NEGR1: variants seen among roughly 807,000 people sequenced by gnomAD.
NEGR1 encodes neuronal growth regulator 1, also known as IgLON family member 4.
A neutral mutation model predicts 40.9 loss-of-function variants in NEGR1; 10 were observed. That is an observed-to-expected ratio of 0.24 (90% CI 0.15 to 0.42). The LOEUF (loss-of-function observed/expected upper bound fraction) is 0.42, where lower values mean the gene tolerates loss of function less well. Ranked by LOEUF, NEGR1 falls within the 10% of genes least tolerant of loss-of-function variation. The pLI is 1.00. For missense variants in NEGR1, 352 were observed against 438.9 expected (o/e 0.80, Z 1.77); for synonymous variants, 185 against 166.8 (o/e 1.11, Z -0.84).
chr1:71,804,020 T>C (rs1237430068), intron 2 of NEGR1, among the ~76,000 whole-genome samples: 2 of 152,096 alleles, frequency 1.3e-5, no homozygotes, highest in Non-Finnish European at 2.9e-5. Context: ...AAATATTTAA[T>C]ACTTTCATTA....
chr1:71,845,005 T>C (rs1437960675), intron 2 of NEGR1, among the ~76,000 whole-genome samples: 1 of 152,166 alleles, frequency 6.6e-6, no homozygotes, highest in East Asian at 1.9e-4. Context: ...AATGTTTTCT[T>C]AGTATGAGTT....
At chr1:72,173,011 A>T (rs1388690547) in intron 1 of NEGR1, among the ~76,000 whole-genome samples, 1 of 151,434 alleles carries the variant, frequency 6.6e-6, no homozygotes, top group Non-Finnish European at 1.5e-5. Context: ...TATTTTATTT[A>T]TTTATTTTTT....
Position 71,530,870 on chromosome 1 carries a change from C to CTGGG in NEGR1, c.940+61943_940+61946dup, listed in dbSNP as rs1387011735. On this transcript the variant is annotated intron_variant, in intron 6 of 6. Transcript: ENST00000357731. The stretch of plus-strand genomic sequence containing the variant: ...GCACATTAGTAAACTTTTTCCATAT[C>CTGGG]TGGGTGTCATGAGGAGGTGTGTGTG... Among the ~76,000 whole-genome samples the CTGGG allele has an allele frequency of 2.9e-4, 44 of 151,174 alleles. 1 individual carries two copies. Among genetic ancestry groups the CTGGG allele is most frequent in the Non-Finnish European group, 7.4e-5 (5 of 67,478 alleles).
At chr1:72,249,411 G>A (rs7548417) in intron 1 of NEGR1, among the ~76,000 whole-genome samples, 5,488 of 152,212 alleles carry the variant, frequency 0.036, 321 homozygotes, top group African/African-American at 0.13. Flanking sequence ...ATCAGCCTCA[G>A]TAGATATGTA....
intron 1 of NEGR1, among the ~76,000 whole-genome samples, chr1:72,175,005 T>C (rs1431483890): frequency 1.3e-5 from 2 of 152,110 alleles, no homozygotes; most frequent in African/African-American, 4.8e-5. Flanking sequence ...TTAGGGTACA[T>C]GTGCACAATG....
At chr1:72,165,189 T>G (rs1251240732) in intron 1 of NEGR1, among the ~76,000 whole-genome samples, 2 of 152,052 alleles carry the variant, frequency 1.3e-5, no homozygotes. Flanking sequence ...AACAACAGCT[T>G]TCTCTGTTAC....
chr1:71,629,024 CCCA>C (rs1650883416), intron 4 of NEGR1, among the ~76,000 whole-genome samples: 1 of 152,124 alleles, frequency 6.6e-6, no homozygotes, highest in African/African-American at 2.4e-5. Context: ...AATTTACACT[CCCA>C]CCAACAGTGT....
At chr1:71,817,293 A>G (rs1557663824) in intron 2 of NEGR1, among the ~76,000 whole-genome samples, 1 of 152,094 alleles carries the variant, frequency 6.6e-6, no homozygotes, top group Non-Finnish European at 1.5e-5. Flanking sequence ...CCCACATTCA[A>G]TGGTTAAGCA....
chr1:71,972,941 C>A (rs1476957338), intron 1 of NEGR1, among the ~76,000 whole-genome samples: 2 of 152,060 alleles, frequency 1.3e-5, no homozygotes, highest in African/African-American at 4.8e-5. Context: ...CCCCCGAAGT[C>A]CCATCTTAAG....
At chr1:71,587,091 T>A (rs1490577091) in intron 6 of NEGR1, among the ~76,000 whole-genome samples, 3 of 152,100 alleles carry the variant, frequency 2.0e-5, no homozygotes. Context: ...AGAGGAGAGA[T>A]AAATTTCTAT....
rs185750961 is a variant in NEGR1, at chr1:71,435,329, C to G, written c.941-27759G>C. Reference sequence around the variant, plus strand: ...CAAAAGGAAGGTGAAGGATCTAAACCTAGAGGACTTAATGCCAGCAAAGGG... The same window carrying G: ...CAAAAGGAAGGTGAAGGATCTAAACGTAGAGGACTTAATGCCAGCAAAGGG... On this transcript the variant is annotated intron_variant, in intron 6 of 6. Transcript: ENST00000357731. Among the ~76,000 whole-genome samples the G allele has an allele frequency of 5.8e-4, 88 of 151,952 alleles. 1 individual carries two copies. The highest frequency in any genetic ancestry group is 1.9e-3 in the African/African-American group (80 of 41,426).
At chr1:71,626,509 A>G (rs568149964) in intron 4 of NEGR1, among the ~76,000 whole-genome samples, 1 of 151,800 alleles carries the variant, frequency 6.6e-6, no homozygotes, top group Non-Finnish European at 1.5e-5. Flanking sequence ...ATGTCCCTTC[A>G]TCCATGTCCC....
At chr1:72,054,062 A>C (rs1431812855) in intron 1 of NEGR1, among the ~76,000 whole-genome samples, 1 of 151,290 alleles carries the variant, frequency 6.6e-6, no homozygotes, top group East Asian at 1.9e-4. Flanking sequence ...GCTCTGGGGA[A>C]TAATTTTAAA....
chr1:71,975,158 A>G (rs1022152448), intron 1 of NEGR1, among the ~76,000 whole-genome samples: 31 of 152,202 alleles, frequency 2.0e-4, no homozygotes, highest in African/African-American at 7.2e-4. Context: ...AGGATTTCAA[A>G]TGCATTCCTA....
intron 3 of NEGR1, among the ~76,000 whole-genome samples, chr1:71,698,919 A>G (rs1329055135): frequency 6.6e-6 from 1 of 151,838 alleles, no homozygotes; most frequent in Non-Finnish European, 1.5e-5. Context: ...TTAATAATGG[A>G]ATTTTTGTTT....
intron 1 of NEGR1, among the ~76,000 whole-genome samples, chr1:72,166,583 C>A (rs1651773609): frequency 6.6e-6 from 1 of 152,060 alleles, no homozygotes; most frequent in African/African-American, 2.4e-5. Context: ...TGCACACTGG[C>A]ATACCATTCA....
intron 2 of NEGR1, among the ~76,000 whole-genome samples, chr1:71,897,665 G>A (rs1460703690): frequency 6.6e-6 from 1 of 152,106 alleles, no homozygotes. Flanking sequence ...GTGAAAATTT[G>A]CTAATGGTAT....
chr1:71,521,789 CA>C (rs1647159065), intron 6 of NEGR1, among the ~76,000 whole-genome samples: 1 of 151,926 alleles, frequency 6.6e-6, no homozygotes. Context: ...CTACAAAATT[CA>C]AACACAAATC....
chr1:72,163,763 T>TAGATAG (rs373855784), intron 1 of NEGR1, among the ~76,000 whole-genome samples: 2 of 102,548 alleles, frequency 2.0e-5, no homozygotes, highest in African/African-American at 3.8e-5. Context: ...GATAGATAGA[T>TAGATAG]ATAGATTTAG....
Sources: allele counts gnomAD v4.1 joint callset (sites outside exome capture counted in the v4.1 genomes callset), GRCh38; gene constraint gnomAD v4.1.1; transcripts MANE v1.5; gene names NCBI Gene and HGNC (gene_info 2026-07-23, HGNC 2026-07-21).